Variants in ADK observed in about 807,000 individuals in gnomAD.
ADK encodes the protein N6,N6-dimethyladenosine kinase.
In ADK, 24 loss-of-function variants were observed where a neutral mutation model predicts 44.7. The observed-to-expected ratio is 0.54, with a 90% confidence interval of 0.39 to 0.76. ADK has a LOEUF of 0.76. ADK is among the 30% of genes least tolerant of loss of function. The probability of loss-of-function intolerance (pLI) is 0.00; values close to 1 mark genes in which losing one functional copy is unlikely to be tolerated. For synonymous variants in ADK, 128 were observed against 142.6 expected, an observed-to-expected ratio of 0.90 and a Z score of 0.73; for missense variants, 321 against 425.1, an observed-to-expected ratio of 0.76 and a Z score of 2.15.
At chr10:74,369,558 G>A (rs1842595453) in intron 4 of ADK, among the ~76,000 whole-genome samples, 1 of 152,126 alleles carries the variant, frequency 6.6e-6, no homozygotes, top group South Asian at 2.1e-4. Context: ...TATTTCTTAA[G>A]ACACAGAACA....
intron 4 of ADK, among the ~76,000 whole-genome samples, chr10:74,329,705 T>A (rs578020951): frequency 1.9e-3 from 291 of 152,196 alleles, no homozygotes; most frequent in African/African-American, 6.8e-3. Flanking sequence ...AAACTGAAAA[T>A]TTATGAGCAT....
At chr10:74,269,513 G>A (rs1192253825) in intron 3 of ADK, among the ~76,000 whole-genome samples, 1 of 152,154 alleles carries the variant, frequency 6.6e-6, no homozygotes, top group Non-Finnish European at 1.5e-5. Flanking sequence ...CAAAAATAGT[G>A]TATACTGACC....
chr10:74,585,359 T>A (rs555144307), intron 7 of ADK, among the ~76,000 whole-genome samples: 1 of 152,298 alleles, frequency 6.6e-6, no homozygotes, highest in South Asian at 2.1e-4. Context: ...TGAGTATCAT[T>A]CATTGTAAAC....
chr10:74,226,206 C>T lies in ADK; in HGVS notation c.194+1615C>T, dbSNP rs539433322. On this transcript the variant is annotated intron_variant, in intron 3 of 10. Coordinates refer to ENST00000539909, the MANE Select transcript of ADK (RefSeq NM_006721.4). ...CACTGCAACCTCTGCTTCCTGGGTT[C>T]AAGCGATTCTCCTGCCTCAGCGTCC... Among the ~76,000 whole-genome samples, 482 of 152,084 alleles carry T rather than the reference C, an allele frequency of 3.2e-3. 3 individuals carry two copies. The highest frequency in any genetic ancestry group is 3.9e-3 in the Non-Finnish European group (266 of 68,012).
chr10:74,478,834 A>G (rs1846955688), intron 6 of ADK, among the ~76,000 whole-genome samples: 1 of 152,126 alleles, frequency 6.6e-6, no homozygotes, highest in Non-Finnish European at 1.5e-5. Flanking sequence ...CCTTATAAGT[A>G]CTTTGATGGG....
At chr10:74,301,006 T>C (rs986831007) in intron 3 of ADK, among the ~76,000 whole-genome samples, 7 of 152,216 alleles carry the variant, frequency 4.6e-5, no homozygotes, top group African/African-American at 1.7e-4. Context: ...ATCTGCAATC[T>C]ACATGCTAAA....
chr10:74,151,442 C>A, intron 1 of ADK, 99 bp downstream of exon 1: 1 of 1,338,470 alleles, frequency 7.5e-7, no homozygotes, highest in Non-Finnish European at 1.0e-6. Flanking sequence ...GTGTCTCTCA[C>A]TGCCAGCTTG....
intron 10 of ADK, among the ~76,000 whole-genome samples, chr10:74,699,602 T>G (rs774247452): frequency 6.6e-6 from 1 of 152,110 alleles, no homozygotes; most frequent in Non-Finnish European, 1.5e-5. Flanking sequence ...ACTTGAACGC[T>G]GGAGGCGGAG....
intron 7 of ADK, among the ~76,000 whole-genome samples, chr10:74,532,842 C>T (rs1849335324): frequency 6.6e-6 from 1 of 150,768 alleles, no homozygotes; most frequent in Admixed American, 6.6e-5. Flanking sequence ...GGCAGGAGAA[C>T]CCAGGAGGCG....
chr10:74,345,321 C>T (rs1672355621), intron 4 of ADK, among the ~76,000 whole-genome samples: 1 of 148,906 alleles, frequency 6.7e-6, no homozygotes, highest in Non-Finnish European at 1.5e-5. Context: ...TTTTTTTTCC[C>T]AGACAGGGTC....
intron 10 of ADK, among the ~76,000 whole-genome samples, chr10:74,696,925 A>G (rs1016558904): frequency 2.6e-5 from 4 of 152,170 alleles, no homozygotes; most frequent in African/African-American, 9.7e-5. Flanking sequence ...TATTCACAGT[A>G]TTCTCTGACC....
intron 10 of ADK, among the ~76,000 whole-genome samples, chr10:74,670,970 G>A (rs1459841122): frequency 7.3e-6 from 1 of 137,528 alleles, no homozygotes; most frequent in Non-Finnish European, 1.5e-5. Context: ...CTTCCTCACA[G>A]ATACCCCAAA....
intron 2 of ADK, among the ~76,000 whole-genome samples, chr10:74,218,471 G>T (rs558489862): frequency 6.6e-6 from 1 of 152,140 alleles, no homozygotes; most frequent in Non-Finnish European, 1.5e-5. Flanking sequence ...GAGAACTTCT[G>T]CAATCTAGCA....
intron 4 of ADK, among the ~76,000 whole-genome samples, chr10:74,338,172 C>T (rs1045215938): frequency 4.6e-5 from 7 of 151,994 alleles, no homozygotes; most frequent in African/African-American, 1.7e-4. Context: ...TATAAAATAG[C>T]AAGTAAGCCA....
At chr10:74,630,142 A>C (rs1272278236) in intron 9 of ADK, among the ~76,000 whole-genome samples, 1 of 152,160 alleles carries the variant, frequency 6.6e-6, no homozygotes, top group Non-Finnish European at 1.5e-5. Flanking sequence ...TATATCCTTC[A>C]TCCAGCTTTC....
intron 6 of ADK, among the ~76,000 whole-genome samples, chr10:74,412,867 G>A (rs1309012883): frequency 6.6e-6 from 1 of 152,124 alleles, no homozygotes. Context: ...AGACCAGCCT[G>A]GTCGACATGG....
rs113130827 is a variant in ADK, at chr10:74,335,499, C to T, written c.273+20754C>T. 7.2e-5 allele frequency among the ~76,000 whole-genome samples: 11 copies of T among 152,312 alleles called. 1 individual carries two copies. The highest frequency in any genetic ancestry group is 2.2e-4 in the African/African-American group (9 of 41,552). Reference sequence around the variant, plus strand: ...TCGTGATGTACTGCACCTTGTGTCTCTATCCACTCTAGAGGGATATTTGAA... The same window carrying T: ...TCGTGATGTACTGCACCTTGTGTCTTTATCCACTCTAGAGGGATATTTGAA... On this transcript the variant is annotated intron_variant, in intron 4 of 10. Coordinates refer to ENST00000539909, the MANE Select transcript of ADK (RefSeq NM_006721.4).
chr10:74,478,187 G>A (rs1564744740), intron 6 of ADK, among the ~76,000 whole-genome samples: 2 of 152,096 alleles, frequency 1.3e-5, no homozygotes, highest in Non-Finnish European at 2.9e-5. Context: ...GGGATTATAG[G>A]CATTAGCCAC....
chr10:74,695,583 T>C (rs1809919307), intron 10 of ADK, among the ~76,000 whole-genome samples: 1 of 133,852 alleles, frequency 7.5e-6, no homozygotes. Context: ...TATTGACAAA[T>C]TTATTTCTTC....
Sources: allele counts gnomAD v4.1 joint callset (sites outside exome capture counted in the v4.1 genomes callset), GRCh38; gene constraint gnomAD v4.1.1; transcripts MANE v1.5; gene names NCBI Gene and HGNC (gene_info 2026-07-23, HGNC 2026-07-21).